Variants in ZNF729 observed in about 807,000 individuals in gnomAD.
ZNF729 encodes zinc finger protein 729.
ZNF729 carries 15 observed loss-of-function variants against 12.2 expected under a neutral mutation model. The observed-to-expected ratio is 1.23, with a 90% confidence interval of 0.82 to 1.89. The LOEUF is 1.89. Ranked by LOEUF, ZNF729 falls within the 40% of genes most tolerant of loss-of-function variation. The pLI is 0.00. For synonymous variants in ZNF729, 492 were observed against 476.3 expected (o/e 1.03, Z -0.43); for missense variants, 1,540 against 1,456.7 (o/e 1.06, Z -0.93).
Position 22,316,062 on chromosome 19 carries a change from G to A in ZNF729, c.2645G>A (p.Cys882Tyr), listed in dbSNP as rs751064867. 2.5e-6 allele frequency: 4 copies of A among 1,610,262 alleles called. No individual in the cohort carries two copies. In the South Asian group the frequency reaches 3.3e-5, roughly 13 times the overall value. ...IIHSGEKPYK[C>Y]EECGKAFKWL... is the part of the protein sequence containing the mutation. ...CATAGTGGAGAGAAACCATACAAAT[G>A]TGAAGAATGTGGTAAAGCTTTTAAG... The change falls in exon 4 of 4, where the codon TGT becomes TAT. Residue 882 changes from cysteine (C) to tyrosine (Y), a missense_variant. Transcript: ENST00000601693.
rs760796368 is a variant in ZNF729 at position 22,313,806 on chromosome 19, A to G, written c.389A>G (p.Asn130Ser). 23 of 1,596,550 alleles carry G rather than the reference A, an allele frequency of 1.4e-5. No homozygotes were observed. The East Asian group carries it at 1.6e-4, about 11-fold the overall frequency. Reference protein sequence around the residue: ...LRLRKDCKSANEGKMHKEGYN... With the variant: ...LRLRKDCKSASEGKMHKEGYN... Reference sequence around the variant, plus strand: ...TTAAGAAAAGATTGTAAAAGTGCCAATGAGGGTAAGATGCACAAAGAAGGT... The same window carrying G: ...TTAAGAAAAGATTGTAAAAGTGCCAGTGAGGGTAAGATGCACAAAGAAGGT... Residue 130 changes from asparagine (N) to serine (S), a missense_variant, in exon 4 of 4, where the codon AAT becomes AGT. Transcript: ENST00000601693.
chr19:22,293,088 T>A (rs1968176343), intron 1 of ZNF729, among the ~76,000 whole-genome samples: 1 of 152,228 alleles, frequency 6.6e-6, no homozygotes, highest in Admixed American at 6.5e-5. Flanking sequence ...GGTTGTGGTT[T>A]TTTCTTTGCA....
At chr19:22,292,667 C>T (rs2145041383) in intron 1 of ZNF729, among the ~76,000 whole-genome samples, 1 of 152,210 alleles carries the variant, frequency 6.6e-6, no homozygotes, top group Admixed American at 6.5e-5. Context: ...TCTTGAACTC[C>T]TGAGCTCAGG....
chr19:22,301,492 C>T (rs1175173476), intron 1 of ZNF729, among the ~76,000 whole-genome samples: 1 of 152,238 alleles, frequency 6.6e-6, no homozygotes, highest in Admixed American at 6.5e-5. Flanking sequence ...TGGTTGATCC[C>T]ACCTGGAATC....
In ZNF729 at chr19:22,315,614, A is replaced by C; in HGVS notation, c.2197A>C (p.Ile733Leu). Residue 733 changes from isoleucine to leucine, a missense_variant, in exon 4 of 4, where the codon ATT becomes CTT. By Grantham distance (5) the Ile-to-Leu change is conservative. Transcript: ENST00000601693. Reference sequence around the variant, plus strand: ...ATCAAAACTTACTGTACATAAGGTAATTCATACTGCAGAGAAACCCTGCAA... The same window carrying C: ...ATCAAAACTTACTGTACATAAGGTACTTCATACTGCAGAGAAACCCTGCAA... ...WSSKLTVHKV[I>L]HTAEKPCKCE... The C allele has an allele frequency of 6.2e-7, 1 of 1,609,156 alleles. No individual in the cohort carries two copies. Among genetic ancestry groups the C allele is most frequent in the Non-Finnish European group, 8.5e-7 (1 of 1,179,120 alleles).
intron 3 of ZNF729, among the ~76,000 whole-genome samples, chr19:22,313,143 A>G (rs79591553): frequency 0.022 from 3,351 of 149,636 alleles, 122 homozygotes; most frequent in African/African-American, 0.079. Context: ...TGCAATCTCT[A>G]CTCCCCAAGT....
chr19:22,313,673 A>G lies in ZNF729; in HGVS notation c.256A>G (p.Met86Val). Residue 86 changes from methionine to valine, a missense_variant and splice_region_variant, in exon 4 of 4, where the codon ATG becomes GTG. By Grantham distance (21) the Met-to-Val change is conservative (BLOSUM62 1). Coordinates refer to ENST00000601693, the MANE Select transcript of ZNF729 (RefSeq NM_001242680.2). ...TTTGTTATTTTTATTTCTTCTAGTTATGCGTTCTCATTTTACACAAGACCT... is the reference window on the plus strand; with the variant it reads ...TTTGTTATTTTTATTTCTTCTAGTTGTGCGTTCTCATTTTACACAAGACCT... ...RHEMVTKPPV[M>V]RSHFTQDLWP... is the part of the protein sequence containing the mutation. 2 of 1,473,000 alleles carry G rather than the reference A, an allele frequency of 1.4e-6. No individual in the cohort carries two copies. The highest frequency in any genetic ancestry group is 3.0e-5 in the South Asian group (2 of 67,736). 91.2% of individuals were successfully genotyped at this position (1,473,000 alleles called of 1,614,324 possible). A position where few individuals can be genotyped will look rare whatever the true frequency, so the allele number is the denominator to read the frequency against.
intron 3 of ZNF729, among the ~76,000 whole-genome samples, chr19:22,309,759 T>A (rs1216866689): frequency 6.6e-6 from 1 of 152,082 alleles, no homozygotes; most frequent in Non-Finnish European, 1.5e-5. Flanking sequence ...TGATGCTGTT[T>A]TGATGGGAAC....
At chr19:22,294,823 A>T (rs1432050433) in intron 1 of ZNF729, among the ~76,000 whole-genome samples, 1 of 151,114 alleles carries the variant, frequency 6.6e-6, no homozygotes, top group East Asian at 2.0e-4. Context: ...TGCCCAGGTA[A>T]TTTTTGTGTT....
chr19:22,310,865 C>T (rs945638933), intron 3 of ZNF729, among the ~76,000 whole-genome samples: 6 of 152,052 alleles, frequency 3.9e-5, no homozygotes, highest in African/African-American at 1.2e-4. Flanking sequence ...ATTTCAGTCT[C>T]GCTGCTTGTT....
chr19:22,287,740 C>T (rs1367731608), intron 1 of ZNF729, among the ~76,000 whole-genome samples: 1 of 151,920 alleles, frequency 6.6e-6, no homozygotes, highest in African/African-American at 2.4e-5. Context: ...TCCCAAACCC[C>T]CATTCCTGCA....
intron 3 of ZNF729, among the ~76,000 whole-genome samples, chr19:22,312,704 C>A (rs974896549): frequency 6.6e-6 from 1 of 151,930 alleles, no homozygotes; most frequent in African/African-American, 2.4e-5. Context: ...ATATGTGCTA[C>A]TGGTTTTTTT....
In ZNF729 at chr19:22,303,856, A is replaced by G. The variant is rs1968346848; in HGVS notation, c.129A>G (p.Leu43=). The change falls in exon 2 of 4, where the codon TTA becomes TTG. Residue 43 remains leucine (L), a synonymous_variant. Coordinates refer to ENST00000601693, the MANE Select transcript of ZNF729 (RefSeq NM_001242680.2). ...VQQNLYRDVM[L]ENYRNLVFLG... ...AGAATTTATATAGGGATGTGATGTT[A>G]GAGAACTACAGAAACCTGGTCTTCC... The G allele has an allele frequency of 6.4e-7, 1 of 1,571,930 alleles. No homozygotes were observed. The highest frequency in any genetic ancestry group is 1.1e-5 in the South Asian group (1 of 90,438).
intron 1 of ZNF729, among the ~76,000 whole-genome samples, chr19:22,298,005 C>CAAAAAAAAAAAAAA (rs34435303): frequency 2.9e-5 from 2 of 68,136 alleles, no homozygotes; most frequent in East Asian, 5.1e-4. Flanking sequence ...AACTCCATCT[C>CAAAAAAAAAAAAAA]AAAAAAAAAA....
intron 1 of ZNF729, among the ~76,000 whole-genome samples, chr19:22,292,637 T>C (rs895449957): frequency 8.6e-5 from 13 of 152,036 alleles, no homozygotes; most frequent in African/African-American, 2.9e-4. Context: ...GATGGGGTTT[T>C]TCCATGTTGT....
intron 3 of ZNF729, among the ~76,000 whole-genome samples, chr19:22,312,145 T>TTC (rs1179335514): frequency 6.6e-6 from 1 of 152,278 alleles, no homozygotes; most frequent in African/African-American, 2.4e-5. Flanking sequence ...GTGATCTGTG[T>TTC]TCCTGTTTCT....
rs1303116393 is a variant in ZNF729, at chr19:22,316,182, C to G, written c.2765C>G (p.Ala922Gly). 1 of 1,610,930 alleles carries G rather than the reference C, an allele frequency of 6.2e-7. No homozygotes were observed. Among genetic ancestry groups the G allele is most frequent in the East Asian group, 2.2e-5 (1 of 44,694 alleles). ...GGCAAAGCTTTTAAGCATTTCTCAGCCCTTAGAAAACATAAGATAATTCAT... is the reference window on the plus strand; with the variant it reads ...GGCAAAGCTTTTAAGCATTTCTCAGGCCTTAGAAAACATAAGATAATTCAT... Reference protein sequence around the residue: ...ECGKAFKHFSALRKHKIIHTG... With the variant: ...ECGKAFKHFSGLRKHKIIHTG... Residue 922 changes from alanine to glycine, a missense_variant, in exon 4 of 4, where the codon GCC (alanine) becomes GGC (glycine). Transcript: ENST00000601693.
intron 1 of ZNF729, among the ~76,000 whole-genome samples, chr19:22,295,016 G>C (rs1164391066): frequency 1.3e-5 from 2 of 149,068 alleles, no homozygotes; most frequent in African/African-American, 5.1e-5. Context: ...TCACTTCTCT[G>C]GTTAGGTGTA....
At chr19:22,309,647 C>A (rs1680512338) in intron 3 of ZNF729, among the ~76,000 whole-genome samples, 2 of 150,302 alleles carry the variant, frequency 1.3e-5, no homozygotes, top group South Asian at 4.2e-4. Context: ...GTAATGGCTT[C>A]AGATTTGTTC....
Sources: allele counts gnomAD v4.1 joint callset (sites outside exome capture counted in the v4.1 genomes callset), GRCh38; gene constraint gnomAD v4.1.1; transcripts MANE v1.5; gene names NCBI Gene and HGNC (gene_info 2026-07-23, HGNC 2026-07-21).